Variants in FAM135A observed in about 807,000 individuals in gnomAD.
FAM135A encodes protein FAM135A.
FAM135A carries 79 observed loss-of-function variants against 146.8 expected under a neutral mutation model. The ratio of observed to expected loss-of-function variants is 0.54; its 90% confidence interval spans 0.45 to 0.65. FAM135A has a LOEUF of 0.65. Ranked by LOEUF, FAM135A falls within the 30% of genes least tolerant of loss-of-function variation. FAM135A has a pLI of 0.00. For synonymous variants in FAM135A, 562 were observed against 603.6 expected (o/e 0.93, Z 1.01); for missense variants, 1,623 against 1,758.2 (o/e 0.92, Z 1.38).
At chr6:70,421,178 C>T (rs1249064525) in intron 2 of FAM135A, among the ~76,000 whole-genome samples, 1 of 152,092 alleles carries the variant, frequency 6.6e-6, no homozygotes, top group African/African-American at 2.4e-5. Flanking sequence ...GCCACCACGC[C>T]TGGCCCACAC....
intron 11 of FAM135A, among the ~76,000 whole-genome samples, chr6:70,498,746 T>G (rs1411643352): frequency 6.6e-6 from 1 of 152,208 alleles, no homozygotes; most frequent in Non-Finnish European, 1.5e-5. Flanking sequence ...CAGTAGTTAT[T>G]CAGGAGCAGG....
At chr6:70,500,903 A>G (rs79084519) in intron 11 of FAM135A, among the ~76,000 whole-genome samples, 3 of 152,096 alleles carry the variant, frequency 2.0e-5, no homozygotes, top group African/African-American at 7.2e-5. Flanking sequence ...GCTCTCTTGT[A>G]TGAGTTGTCT....
chr6:70,426,149 TATA>T (rs1330165068), intron 2 of FAM135A, among the ~76,000 whole-genome samples: 1 of 151,886 alleles, frequency 6.6e-6, no homozygotes, highest in Non-Finnish European at 1.5e-5. Context: ...TTAATGAGCT[TATA>T]ATGTTTTGTG....
intron 11 of FAM135A, among the ~76,000 whole-genome samples, chr6:70,501,674 A>G (rs1211745647): frequency 6.6e-6 from 1 of 152,220 alleles, no homozygotes; most frequent in Non-Finnish European, 1.5e-5. Flanking sequence ...CTGTGGGGAA[A>G]GCATAGTGAT....
rs567068180 is a variant in FAM135A, at chr6:70,482,432, A to C, written c.823+278A>C. Among the ~76,000 whole-genome samples the C allele has an allele frequency of 7.2e-5, 11 of 152,286 alleles. No individual in the cohort carries two copies. The East Asian group carries it at 1.9e-3, about 27-fold the overall frequency. Reference sequence around the variant, plus strand: ...ATCTGTTCCTCTTAAAATATAACCCAAAAACATGTTAGAAAGCAAATGTAA... The same window carrying C: ...ATCTGTTCCTCTTAAAATATAACCCCAAAACATGTTAGAAAGCAAATGTAA... On this transcript the variant is annotated intron_variant, in intron 10 of 21. Transcript: ENST00000418814.
At chr6:70,545,286 A>G (rs192324728) in intron 20 of FAM135A, among the ~76,000 whole-genome samples, 3 of 152,198 alleles carry the variant, frequency 2.0e-5, no homozygotes, top group East Asian at 1.9e-4. Context: ...CCTGAATTGA[A>G]TTAATATCCA....
At chr6:70,442,069 T>A (rs1293724038) in intron 4 of FAM135A, among the ~76,000 whole-genome samples, 1 of 152,210 alleles carries the variant, frequency 6.6e-6, no homozygotes, top group Non-Finnish European at 1.5e-5. Flanking sequence ...TTTTACTTTT[T>A]TAATTTTATG....
rs1489167852 is a variant in FAM135A, at chr6:70,525,722, C to T, written c.2638C>T (p.Pro880Ser). Residue 880 changes from proline (P) to serine (S), a missense_variant, in exon 15 of 22, where the codon CCA becomes TCA. Physicochemically the swap from Pro to Ser is moderately conservative, Grantham distance 74 (BLOSUM62 -1). This residue lies in a region of FAM135A where 1,061 missense variants were observed against 1,113.8 expected (regional missense o/e 0.95). Coordinates refer to ENST00000418814, the MANE Select transcript of FAM135A (RefSeq NM_001162529.3). ...TVLNLGTTDLPKCDDTKKSSI... is the reference protein window; with the variant it reads ...TVLNLGTTDLSKCDDTKKSSI... The stretch of plus-strand genomic sequence containing the variant: ...ATTAAATCTAGGAACGACTGATTTG[C>T]CAAAATGTGATGATACTAAAAAGTC... 6 of 1,612,948 alleles carry T rather than the reference C, an allele frequency of 3.7e-6. No homozygotes were observed. The highest frequency in any genetic ancestry group is 1.7e-5 in the Admixed American group (1 of 59,914).
At position 70,524,407 on chromosome 6, in the gene FAM135A, A is replaced by T. The variant is rs997088951; in HGVS notation, c.1323A>T (p.Lys441Asn). The change falls in exon 15 of 22, where the codon AAA becomes AAT. Residue 441 changes from lysine to asparagine, a missense_variant. Transcript: ENST00000418814. ...GATCAGAGTCCAGTAAAATGGATAA[A>T]TATGAGACTGAAGAAAGCTCTGTAG... ...LQRSESSKMD[K>N]YETEESSVAG... The T allele has an allele frequency of 2.6e-6, 4 of 1,530,196 alleles. No homozygotes were observed. In the African/African-American group the frequency reaches 5.6e-5, roughly 21 times the overall value. The allele number at this position is 1,530,196 out of a possible 1,614,324, so 94.8% of individuals were successfully genotyped here. A position where few individuals can be genotyped will look rare whatever the true frequency, so the allele number is the denominator to read the frequency against.
intron 4 of FAM135A, among the ~76,000 whole-genome samples, chr6:70,445,548 A>G (rs1775516286): frequency 6.6e-6 from 1 of 152,226 alleles, no homozygotes; most frequent in African/African-American, 2.4e-5. Context: ...TAAATACTAG[A>G]TTAACTAAAA....
intron 5 of FAM135A, among the ~76,000 whole-genome samples, chr6:70,456,138 A>G (rs190472984): frequency 8.4e-4 from 128 of 152,320 alleles, no homozygotes; most frequent in African/African-American, 3.0e-3. Context: ...CTTAACCACT[A>G]AAGTTGTCCT....
In FAM135A at chr6:70,498,752, G is replaced by A. The variant is rs149183908; in HGVS notation, c.874-3884G>A. The stretch of plus-strand genomic sequence containing the variant: ...TTGTTTACCCAGTAGTTATTCAGGA[G>A]CAGGTTGTTCAGTTTCCACGTAGTT... On this transcript the variant is annotated intron_variant, in intron 11 of 21. Transcript: ENST00000418814. 1.4e-4 allele frequency among the ~76,000 whole-genome samples: 22 copies of A among 152,302 alleles called. No homozygotes were observed. In the East Asian group the frequency reaches 4.0e-3, roughly 28 times the overall value.
chr6:70,520,697 T>A (rs139128487), intron 12 of FAM135A, among the ~76,000 whole-genome samples: 1 of 152,294 alleles, frequency 6.6e-6, no homozygotes, highest in East Asian at 1.9e-4. Flanking sequence ...TTCCCCATAT[T>A]TGAAATTTAA....
chr6:70,414,195 C>A (rs537122753), intron 1 of FAM135A, among the ~76,000 whole-genome samples: 26 of 152,270 alleles, frequency 1.7e-4, no homozygotes, highest in African/African-American at 6.0e-4. Flanking sequence ...GAGCTCCTTA[C>A]CCTGGCCGAC....
Position 70,524,499 on chromosome 6 carries a change from G to T in FAM135A, c.1415G>T (p.Gly472Val). The T allele has an allele frequency of 4.5e-6, 7 of 1,551,232 alleles. No individual in the cohort carries two copies. The highest frequency in any genetic ancestry group is 4.4e-6 in the Non-Finnish European group (5 of 1,146,762). The change falls in exon 15 of 22, where the codon GGT becomes GTT. Residue 472 changes from glycine to valine, a missense_variant. Physicochemically the swap from Gly to Val is moderately radical, Grantham distance 109. This residue lies in a region of FAM135A where 1,061 missense variants were observed against 1,113.8 expected (regional missense o/e 0.95). Transcript: ENST00000418814. ...AGASSIWYTE[G>V]EKQLTKSLKG... ...GCCTCCAGTATTTGGTATACAGAAG[G>T]TGAAAAGCAGCTAACAAAATCTCTA...
At chr6:70,550,264 G>A (rs1408139939) in intron 20 of FAM135A, among the ~76,000 whole-genome samples, 1 of 152,158 alleles carries the variant, frequency 6.6e-6, no homozygotes, top group African/African-American at 2.4e-5. Flanking sequence ...ATCTGTAATG[G>A]TGAATTTTTT....
intron 2 of FAM135A, among the ~76,000 whole-genome samples, chr6:70,421,396 A>G (rs537076656): frequency 2.6e-5 from 4 of 152,336 alleles, no homozygotes; most frequent in Admixed American, 6.5e-5. Flanking sequence ...ACATGTTACA[A>G]TGGCCACCAT....
intron 20 of FAM135A, among the ~76,000 whole-genome samples, chr6:70,552,995 T>C (rs1800129397): frequency 6.6e-6 from 1 of 152,178 alleles, no homozygotes; most frequent in African/African-American, 2.4e-5. Flanking sequence ...ATTAGTAAAA[T>C]ATTTTACATC....
Position 70,526,083 on chromosome 6 carries a change from G to A in FAM135A, c.2999G>A (p.Ser1000Asn), listed in dbSNP as rs774606652. 9 of 1,612,850 alleles carry A rather than the reference G, an allele frequency of 5.6e-6. No homozygotes were observed. The African/African-American group carries it at 8.0e-5, about 14-fold the overall frequency. Residue 1000 changes from serine (S) to asparagine (N), a missense_variant, in exon 15 of 22, where the codon AGT (serine) becomes AAT (asparagine). Around this residue, in one of 7 missense-constraint regions of FAM135A, gnomAD observed 1,061 missense variants for 1,113.8 expected, o/e 0.95. Coordinates refer to ENST00000418814, the MANE Select transcript of FAM135A (RefSeq NM_001162529.3). Reference protein sequence around the residue: ...VSEDRTMKKNSDVLNLTQMYS... With the variant: ...VSEDRTMKKNNDVLNLTQMYS... ...GAAGATAGAACTATGAAAAAAAATA[G>A]TGATGTATTAAATCTCACACAGATG... is the stretch of plus-strand genomic sequence containing the variant.
Sources: gnomAD v4.1 joint callset for allele counts (sites outside exome capture counted in the v4.1 genomes callset) on GRCh38, gnomAD v4.1.1 for gene constraint, gnomAD v4.1.1 regional missense constraint, MANE v1.5 for transcripts, NCBI Gene and HGNC (gene_info 2026-07-23, HGNC 2026-07-21) for gene names.